Variants in PHF21A observed in about 807,000 individuals in gnomAD.
PHF21A encodes the protein BHC80a.
In PHF21A, 11 loss-of-function variants were observed where a neutral mutation model predicts 82.5. That is an observed-to-expected ratio of 0.13 (90% CI 0.08 to 0.22). The LOEUF is 0.22. Ranked by LOEUF, PHF21A falls within the 10% of genes least tolerant of loss-of-function variation. PHF21A has a pLI of 1.00. For missense variants in PHF21A, 579 were observed against 837.8 expected (o/e 0.69, Z 3.81); for synonymous variants, 297 against 302.8 (o/e 0.98, Z 0.20).
intron 7 of PHF21A, among the ~76,000 whole-genome samples, chr11:45,973,215 T>C (rs2093860279): frequency 6.6e-6 from 1 of 152,258 alleles, no homozygotes; most frequent in Non-Finnish European, 1.5e-5. Context: ...TGGTTAGTGG[T>C]GACCAAACTG....
In PHF21A at chr11:45,971,387, G is replaced by C; in HGVS notation, c.361-20C>G. 1.2e-6 allele frequency: 2 copies of C among 1,604,360 alleles called. No individual in the cohort carries two copies. The highest frequency in any genetic ancestry group is 1.3e-5 in the African/African-American group (1 of 74,710). Reference sequence around the variant, plus strand: ...AGTCTTCTAGGAGACAGGGAAAACAGATATTAGGACACTAAATCTAAACTA... The same window carrying C: ...AGTCTTCTAGGAGACAGGGAAAACACATATTAGGACACTAAATCTAAACTA... On this transcript the variant is annotated intron_variant, in intron 7 of 18. Coordinates refer to ENST00000676320, the MANE Select transcript of PHF21A (RefSeq NM_001352027.3).
intron 6 of PHF21A, among the ~76,000 whole-genome samples, chr11:46,035,432 C>T (rs946380164): frequency 2.0e-5 from 3 of 151,976 alleles, no homozygotes; most frequent in African/African-American, 7.3e-5. Flanking sequence ...CTGTTGGTTA[C>T]TTCATTCACT....
At chr11:45,965,221 G>A in intron 10 of PHF21A, 94 bp downstream of exon 10, 2 of 1,008,460 alleles carry the variant, frequency 2.0e-6, no homozygotes, top group East Asian at 5.2e-5. Flanking sequence ...GTGAGATGAA[G>A]AGCCCTTGAG....
chr11:45,968,101 TA>T (rs1455778777), intron 9 of PHF21A, among the ~76,000 whole-genome samples: 2 of 152,220 alleles, frequency 1.3e-5, no homozygotes, highest in African/African-American at 4.8e-5. Context: ...ATACTCCATG[TA>T]AAGTGCCTAG....
chr11:45,947,040 T>C (rs1591067773), intron 14 of PHF21A, among the ~76,000 whole-genome samples: 1 of 152,244 alleles, frequency 6.6e-6, no homozygotes, highest in Non-Finnish European at 1.5e-5. Flanking sequence ...ACAAACATCC[T>C]GATAAACTAC....
chr11:46,049,398 A>G, intron 6 of PHF21A: 2 of 455,144 alleles, frequency 4.4e-6, no homozygotes, highest in Non-Finnish European at 8.8e-6. Context: ...CCAAATACAT[A>G]CGTTCAGTAG....
intron 15 of PHF21A, among the ~76,000 whole-genome samples, chr11:45,940,898 G>A (rs1315404917): frequency 1.3e-5 from 2 of 152,114 alleles, no homozygotes; most frequent in African/African-American, 4.8e-5. Context: ...CCTGAGCAAG[G>A]AGCACATCAA....
intron 11 of PHF21A, among the ~76,000 whole-genome samples, chr11:45,951,127 G>A (rs973876467): frequency 3.3e-5 from 5 of 152,174 alleles, no homozygotes; most frequent in Admixed American, 6.5e-5. Flanking sequence ...CTTGCATGTG[G>A]TCTGAAAAGT....
At chr11:45,957,257 A>G (rs191918382) in intron 10 of PHF21A, among the ~76,000 whole-genome samples, 2 of 152,328 alleles carry the variant, frequency 1.3e-5, no homozygotes, top group African/African-American at 4.8e-5. Context: ...GACATAGGGA[A>G]CTTGAACAAC....
At chr11:46,085,463 G>A (rs2096845613) in intron 3 of PHF21A, among the ~76,000 whole-genome samples, 1 of 152,100 alleles carries the variant, frequency 6.6e-6, no homozygotes, top group Non-Finnish European at 1.5e-5. Context: ...ATCCTTTATT[G>A]TTGTTTTCTT....
At position 45,935,747 on chromosome 11, in the gene PHF21A, A is replaced by T; in HGVS notation, c.1685-8T>A. On this transcript the variant is annotated splice_region_variant and splice_polypyrimidine_tract_variant and intron_variant, in intron 17 of 18. Transcript: ENST00000676320. The stretch of plus-strand genomic sequence containing the variant: ...GTTTCTCTTCTTCTTTTGCTAAAAA[A>T]AAAAAAAAAAAAAAAAAGGAACGGT... 1 of 957,352 alleles carries T rather than the reference A, an allele frequency of 1.0e-6. No individual in the cohort carries two copies. The highest frequency in any genetic ancestry group is 1.6e-6 in the Non-Finnish European group (1 of 633,684). 59.3% of individuals were successfully genotyped at this position (957,352 alleles called of 1,614,324 possible).
At chr11:46,081,056 C>T (rs1179075804) in intron 4 of PHF21A, among the ~76,000 whole-genome samples, 2 of 152,122 alleles carry the variant, frequency 1.3e-5, no homozygotes, top group Admixed American at 6.6e-5. Flanking sequence ...TTTAAAAAGA[C>T]GAGTGAATAG....
Position 45,953,592 on chromosome 11 carries a change from G to C in PHF21A, c.1030C>G (p.Gln344Glu). 1 of 1,613,746 alleles carries C rather than the reference G, an allele frequency of 6.2e-7. No homozygotes were observed. Among genetic ancestry groups the C allele is most frequent in the Non-Finnish European group, 8.5e-7 (1 of 1,179,720 alleles). Residue 344 changes from glutamine to glutamate, a missense_variant, in exon 11 of 19, where the codon CAA becomes GAA. Coordinates refer to ENST00000676320, the MANE Select transcript of PHF21A (RefSeq NM_001352027.3). ...VKSHTETDEK[Q>E]TESRTITPPA... ...GGGGTGATGGTGCGGCTCTCTGTTT[G>C]TTTCTCATCTGTTTCTGTGTGAGAT...
At chr11:46,114,450 GAT>G (rs1566070796) in intron 1 of PHF21A, among the ~76,000 whole-genome samples, 1 of 152,202 alleles carries the variant, frequency 6.6e-6, no homozygotes, top group African/African-American at 2.4e-5. Context: ...AACAAGGAAA[GAT>G]AAGCTGGCAC....
At chr11:46,006,590 G>A (rs572873174) in intron 6 of PHF21A, among the ~76,000 whole-genome samples, 4 of 152,346 alleles carry the variant, frequency 2.6e-5, no homozygotes, top group Non-Finnish European at 5.9e-5. Flanking sequence ...TGAGCTAGAG[G>A]ATGAAGTTAT....
chr11:45,950,309 G>A, intron 11 of PHF21A, 52 bp from the exon 12 acceptor site: 5 of 1,516,250 alleles, frequency 3.3e-6, no homozygotes, highest in Non-Finnish European at 4.6e-6. Flanking sequence ...TTCTCACAAA[G>A]CCAATTGCCA....
intron 3 of PHF21A, among the ~76,000 whole-genome samples, chr11:46,088,650 A>G (rs986878131): frequency 1.3e-5 from 2 of 152,226 alleles, no homozygotes; most frequent in Non-Finnish European, 2.9e-5. Context: ...CACCTACTTC[A>G]TAAGACTGTT....
Position 45,937,983 on chromosome 11 carries a change from T to C in PHF21A, c.1608+174A>G, listed in dbSNP as rs575002343. ...CCAGCTCAGTAATATGGCAGAGGGCTTCTGAGGGAATGAAGGCCATGCGCC... is the reference window on the plus strand; with the variant it reads ...CCAGCTCAGTAATATGGCAGAGGGCCTCTGAGGGAATGAAGGCCATGCGCC... On this transcript the variant is annotated intron_variant, in intron 16 of 18. Coordinates refer to ENST00000676320, the MANE Select transcript of PHF21A (RefSeq NM_001352027.3). 2.0e-5 allele frequency among the ~76,000 whole-genome samples: 3 copies of C among 152,324 alleles called. No individual in the cohort carries two copies. The South Asian group carries it at 6.2e-4, about 32-fold the overall frequency.
At chr11:46,053,466 T>C (rs543087739) in intron 6 of PHF21A, among the ~76,000 whole-genome samples, 21 of 152,222 alleles carry the variant, frequency 1.4e-4, no homozygotes, top group Admixed American at 5.2e-4. Flanking sequence ...AATGAAATCA[T>C]TCTTAAGAGG....
Sources: gnomAD v4.1 joint callset for allele counts (sites outside exome capture counted in the v4.1 genomes callset) on GRCh38, gnomAD v4.1.1 for gene constraint, MANE v1.5 for transcripts, NCBI Gene and HGNC (gene_info 2026-07-23, HGNC 2026-07-21) for gene names.